PCDHA5: variants seen among roughly 807,000 people sequenced by gnomAD.
PCDHA5 encodes the protein protocadherin alpha-5.
Under a neutral mutation model 61.6 loss-of-function variants are expected in PCDHA5, and 43 were observed. That is an observed-to-expected ratio of 0.70 (90% CI 0.55 to 0.90). The LOEUF (loss-of-function observed/expected upper bound fraction) is 0.90, where lower values mean the gene tolerates loss of function less well. Among genes scored for constraint, PCDHA5 ranks in the 40% least tolerant of loss-of-function variants. PCDHA5 has a pLI of 0.00. For missense variants in PCDHA5, 1,298 were observed against 1,222.7 expected (o/e 1.06, Z -0.92); for synonymous variants, 627 against 543.9 (o/e 1.15, Z -2.13).
chr5:140,828,101 AC>A, intron 1 of PCDHA5: 1 of 1,607,798 alleles, frequency 6.2e-7, no homozygotes, highest in East Asian at 2.2e-5. Context: ...CATGGTGTTT[AC>A]CCCGGAGGAT....
chr5:140,823,729 G>A lies in PCDHA5; in HGVS notation c.1954G>A (p.Asp652Asn), dbSNP rs1244512235. The A allele has an allele frequency of 6.2e-7, 1 of 1,613,780 alleles. No individual in the cohort carries two copies. Among genetic ancestry groups the A allele is most frequent in the Non-Finnish European group, 8.5e-7 (1 of 1,179,940 alleles). ...CCACCGCCTTCTGGTGCTGGTGAAG[G>A]ACCATGGAGAGCCCCCGCTGACAGC... Reference protein sequence around the residue: ...PRHRLLVLVKDHGEPPLTATA... With the variant: ...PRHRLLVLVKNHGEPPLTATA... Residue 652 changes from aspartate (D) to asparagine (N), a missense_variant, in exon 1 of 4, where the codon GAC (aspartate) becomes AAC (asparagine). Coordinates refer to ENST00000529859, the MANE Select transcript of PCDHA5 (RefSeq NM_018908.3).
At chr5:140,927,993 A>G (rs782756882) in intron 1 of PCDHA5, 66 of 1,614,068 alleles carry the variant, frequency 4.1e-5, no homozygotes, top group Non-Finnish European at 5.4e-5. Flanking sequence ...TAAAGGATGA[A>G]GACCTCGATT....
At chr5:140,931,982 T>G (rs1486789443) in intron 1 of PCDHA5, among the ~76,000 whole-genome samples, 1 of 151,968 alleles carries the variant, frequency 6.6e-6, no homozygotes, top group Non-Finnish European at 1.5e-5. Context: ...GTTTATATTT[T>G]GCTCAAATTC....
chr5:140,850,517 G>A, intron 1 of PCDHA5: 1 of 1,598,300 alleles, frequency 6.3e-7, no homozygotes, highest in Non-Finnish European at 8.6e-7. Context: ...AGAGCGGCCA[G>A]GCGCCAAAGT....
intron 1 of PCDHA5, chr5:140,851,778 A>G: frequency 3.1e-6 from 3 of 964,858 alleles, no homozygotes; most frequent in Non-Finnish European, 3.8e-6. Context: ...ATGAATTTAG[A>G]TGAGAATTCA....
intron 1 of PCDHA5, among the ~76,000 whole-genome samples, chr5:140,832,809 G>A (rs1166207939): frequency 6.6e-6 from 1 of 152,088 alleles, no homozygotes; most frequent in African/African-American, 2.4e-5. Flanking sequence ...ATTGGAATTG[G>A]AAAAAAATCT....
At chr5:140,921,435 A>C (rs997660613) in intron 1 of PCDHA5, among the ~76,000 whole-genome samples, 4 of 152,120 alleles carry the variant, frequency 2.6e-5, no homozygotes, top group African/African-American at 4.8e-5. Flanking sequence ...ATTTTCTTCA[A>C]TGGTGTCTGA....
At position 140,830,179 on chromosome 5, in the gene PCDHA5, C is replaced by T. The variant is rs2150182453; in HGVS notation, c.2352+6052C>T. The T allele has an allele frequency of 6.2e-6, 10 of 1,613,648 alleles. No homozygotes were observed. In the South Asian group the frequency reaches 9.9e-5, roughly 16 times the overall value. On this transcript the variant is annotated intron_variant, in intron 1 of 3. Transcript: ENST00000529859. ...GCCCAGAGGCGGCGCTGGTGGATGT[C>T]AACGTGTACCTGATCATCGCCATCT...
chr5:140,875,765 G>T (rs1554167926), intron 1 of PCDHA5: 2 of 1,614,252 alleles, frequency 1.2e-6, no homozygotes, highest in Middle Eastern at 1.6e-4. Context: ...CTGTGCGGGC[G>T]GAGCGCGGAG....
chr5:140,859,090 A>G (rs2045720842), intron 1 of PCDHA5: 1 of 150,172 alleles, frequency 6.7e-6, no homozygotes, highest in African/African-American at 2.4e-5. Context: ...GTCAGTGTGT[A>G]TTATTCACTT....
At chr5:140,869,615 G>A (rs373081906) in intron 1 of PCDHA5, 4 of 1,613,740 alleles carry the variant, frequency 2.5e-6, no homozygotes, top group East Asian at 4.5e-5. Flanking sequence ...TTGACCTACA[G>A]GCTAAGTAAA....
At chr5:140,917,522 G>A (rs931609211) in intron 1 of PCDHA5, among the ~76,000 whole-genome samples, 1 of 152,144 alleles carries the variant, frequency 6.6e-6, no homozygotes, top group Non-Finnish European at 1.5e-5. Context: ...TTTATTCTAC[G>A]GTTTGTATAG....
chr5:140,894,554 G>GAAA (rs1204407145), intron 1 of PCDHA5, among the ~76,000 whole-genome samples: 2 of 151,600 alleles, frequency 1.3e-5, no homozygotes, highest in African/African-American at 4.8e-5. Context: ...GTTTACTTCT[G>GAAA]AAAAAATTAT....
In PCDHA5 at chr5:140,877,342, G is replaced by A. The variant is rs1462091033; in HGVS notation, c.2352+53215G>A. On this transcript the variant is annotated intron_variant, in intron 1 of 3. Coordinates refer to ENST00000529859, the MANE Select transcript of PCDHA5 (RefSeq NM_018908.3). ...GGTCGGCGCGCACATCCCGTTCCACGTGGGGCTGTACACTGGCGAGATCAG... is the reference window on the plus strand; with the variant it reads ...GGTCGGCGCGCACATCCCGTTCCACATGGGGCTGTACACTGGCGAGATCAG... 5 of 1,613,904 alleles carry A rather than the reference G, an allele frequency of 3.1e-6. No individual in the cohort carries two copies. The African/African-American group carries it at 6.7e-5, about 22-fold the overall frequency.
At position 140,822,751 on chromosome 5, in the gene PCDHA5, A is replaced by G; in HGVS notation, c.976A>G (p.Thr326Ala). ...EINIDAMDKS[T>A]FPLSGHCKVV... ...TAATATTGATGCCATGGATAAAAGT[A>G]CATTCCCATTATCAGGACACTGTAA... is the stretch of plus-strand genomic sequence containing the variant. The change falls in exon 1 of 4, where the codon ACA (threonine) becomes GCA (alanine). Residue 326 changes from threonine to alanine, a missense_variant. Coordinates refer to ENST00000529859, the MANE Select transcript of PCDHA5 (RefSeq NM_018908.3). 6.2e-7 allele frequency: 1 copy of G among 1,613,920 alleles called. No homozygotes were observed. Among genetic ancestry groups the G allele is most frequent in the Non-Finnish European group, 8.5e-7 (1 of 1,179,756 alleles).
intron 1 of PCDHA5, chr5:140,966,994 C>T: frequency 6.2e-7 from 1 of 1,604,620 alleles, no homozygotes; most frequent in Non-Finnish European, 8.5e-7. Context: ...GGCCGGGTTG[C>T]TTGCGCATCA....
intron 1 of PCDHA5, among the ~76,000 whole-genome samples, chr5:140,878,958 T>C (rs2057789754): frequency 6.6e-6 from 1 of 152,208 alleles, no homozygotes; most frequent in Admixed American, 6.5e-5. Context: ...TTGAAATGTA[T>C]TACCTGGACA....
In PCDHA5 at chr5:140,821,619, T is replaced by G; in HGVS notation, c.-157T>G. 5.8e-6 allele frequency: 5 copies of G among 868,556 alleles called. No homozygotes were observed. The highest frequency in any genetic ancestry group is 8.6e-6 in the Non-Finnish European group (5 of 584,294). The allele number at this position is 868,556 out of a possible 1,614,324, so 53.8% of individuals were successfully genotyped here. A position where few individuals can be genotyped will look rare whatever the true frequency, so the allele number is the denominator to read the frequency against. On this transcript the variant is annotated 5_prime_UTR_variant, in exon 1 of 4. Coordinates refer to ENST00000529859, the MANE Select transcript of PCDHA5 (RefSeq NM_018908.3). ...TCAAAGGAATACAGTGAGTAGATTT[T>G]CCTTAGACAGAAAGGAAAAGAACCT...
chr5:140,896,113 T>A (rs10053583), intron 1 of PCDHA5, among the ~76,000 whole-genome samples: 2,120 of 152,286 alleles, frequency 0.014, 43 homozygotes, highest in African/African-American at 0.049. Flanking sequence ...GCCTGGCCAA[T>A]GTACTGCATT....
Sources: allele counts gnomAD v4.1 joint callset (sites outside exome capture counted in the v4.1 genomes callset), GRCh38; gene constraint gnomAD v4.1.1; transcripts MANE v1.5; gene names NCBI Gene and HGNC (gene_info 2026-07-23, HGNC 2026-07-21).